Variants in CCDC178 observed in about 807,000 individuals in gnomAD.
The protein encoded by CCDC178 is coiled-coil domain-containing protein 178.
In CCDC178, 126 loss-of-function variants were observed where a neutral mutation model predicts 117.4. The ratio of observed to expected loss-of-function variants is 1.07; its 90% CI spans 0.93 to 1.24. CCDC178 has a LOEUF of 1.24. Among genes scored for constraint, CCDC178 ranks in the 50% most tolerant of loss-of-function variants. The pLI is 0.00. For synonymous variants in CCDC178, 283 were observed against 313.4 expected (o/e 0.90, Z 1.02); for missense variants, 1,030 against 986.9 (o/e 1.04, Z -0.59).
At chr18:33,332,008 TA>T (rs2062675949) in intron 10 of CCDC178, among the ~76,000 whole-genome samples, 2 of 152,194 alleles carry the variant, frequency 1.3e-5, no homozygotes, top group African/African-American at 4.8e-5. Flanking sequence ...AAATGGTAAG[TA>T]ATTACATTGT....
At chr18:33,032,135 G>C (rs949301583) in intron 21 of CCDC178, among the ~76,000 whole-genome samples, 1 of 152,144 alleles carries the variant, frequency 6.6e-6, no homozygotes, top group Non-Finnish European at 1.5e-5. Context: ...CCTCTGGGGT[G>C]CTAGTGCTCC....
At chr18:32,966,879 T>C (rs2054824723) in intron 22 of CCDC178, among the ~76,000 whole-genome samples, 1 of 151,836 alleles carries the variant, frequency 6.6e-6, no homozygotes, top group South Asian at 2.1e-4. Context: ...TCCAAAAAGA[T>C]TGAGCTAAAT....
At chr18:33,114,020 A>AAAAG (rs1266516009) in intron 20 of CCDC178, among the ~76,000 whole-genome samples, 2 of 152,076 alleles carry the variant, frequency 1.3e-5, no homozygotes, top group African/African-American at 2.4e-5. Context: ...TACACAGGAA[A>AAAAG]AAAGAAAAAA....
At position 33,087,566 on chromosome 18, in the gene CCDC178, TTGTG is replaced by T. The variant is rs57033642; in HGVS notation, c.2388+5191_2388+5194del. ...TCTAAGAAACAGGGGCCAAAGCCAT[TTGTG>T]TGTGTGTGTGTGTGTGTGTGTGTGT... is the stretch of plus-strand genomic sequence containing the variant. On this transcript the variant is annotated intron_variant, in intron 21 of 22. Coordinates refer to ENST00000383096, the MANE Select transcript of CCDC178 (RefSeq NM_001105528.4). 8.0e-3 allele frequency among the ~76,000 whole-genome samples: 1,170 copies of T among 146,096 alleles called. 6 individuals carry two copies. Among genetic ancestry groups the T allele is most frequent in the African/African-American group, 0.016 (628 of 39,632 alleles).
intron 21 of CCDC178, among the ~76,000 whole-genome samples, chr18:33,086,191 G>A (rs1007995228): frequency 2.0e-5 from 3 of 151,758 alleles, no homozygotes; most frequent in East Asian, 1.9e-4. Flanking sequence ...CAGTATCAAA[G>A]AAAGTCAGCA....
intron 20 of CCDC178, among the ~76,000 whole-genome samples, chr18:33,125,796 C>T (rs1236891361): frequency 1.3e-5 from 2 of 152,292 alleles, no homozygotes; most frequent in South Asian, 2.1e-4. Flanking sequence ...AAAGAGAGGG[C>T]CTTCTGCTGA....
chr18:33,158,377 T>A (rs552192170), intron 20 of CCDC178, among the ~76,000 whole-genome samples: 66 of 152,258 alleles, frequency 4.3e-4, no homozygotes, highest in Non-Finnish European at 7.9e-4. Flanking sequence ...CATTGTTAAT[T>A]GTAAATTTGA....
At chr18:33,261,336 G>C (rs2059747832) in intron 14 of CCDC178, among the ~76,000 whole-genome samples, 1 of 152,168 alleles carries the variant, frequency 6.6e-6, no homozygotes, top group South Asian at 2.1e-4. Context: ...GCCCACCTTG[G>C]CCTCCCAAAG....
At chr18:33,189,451 G>A (rs2144511188) in intron 20 of CCDC178, among the ~76,000 whole-genome samples, 1 of 152,160 alleles carries the variant, frequency 6.6e-6, no homozygotes, top group East Asian at 1.9e-4. Flanking sequence ...TTACATATAT[G>A]TAAGTTATTT....
chr18:33,043,339 T>G (rs2056584313), intron 21 of CCDC178, among the ~76,000 whole-genome samples: 1 of 152,074 alleles, frequency 6.6e-6, no homozygotes, highest in Admixed American at 6.6e-5. Context: ...AACAATATGT[T>G]TATTCTGACA....
chr18:33,154,983 G>A (rs140179751), intron 20 of CCDC178, among the ~76,000 whole-genome samples: 26 of 152,194 alleles, frequency 1.7e-4, no homozygotes, highest in Middle Eastern at 3.4e-3. Flanking sequence ...AAAAAATCAT[G>A]AAGTTTATAG....
At chr18:32,940,923 G>A (rs2054224844) in intron 22 of CCDC178, among the ~76,000 whole-genome samples, 1 of 152,004 alleles carries the variant, frequency 6.6e-6, no homozygotes, top group South Asian at 2.1e-4. Flanking sequence ...ACGTTCTTGA[G>A]GTGCTCTGGG....
At chr18:33,318,674 C>T (rs555417856) in intron 11 of CCDC178, among the ~76,000 whole-genome samples, 3 of 152,016 alleles carry the variant, frequency 2.0e-5, no homozygotes, top group Non-Finnish European at 4.4e-5. Context: ...AACAAGACGA[C>T]TAACAAATCC....
At chr18:33,119,818 A>C (rs2057911454) in intron 20 of CCDC178, among the ~76,000 whole-genome samples, 1 of 152,218 alleles carries the variant, frequency 6.6e-6, no homozygotes, top group Non-Finnish European at 1.5e-5. Flanking sequence ...GGATTAAGAA[A>C]ATGTGGCACA....
chr18:33,356,582 T>A (rs2063060530), intron 6 of CCDC178, among the ~76,000 whole-genome samples: 3 of 152,046 alleles, frequency 2.0e-5, no homozygotes, highest in Admixed American at 2.0e-4. Context: ...AAAAGCTAGT[T>A]AAGGACATGA....
chr18:33,414,040 C>A (rs766162913), intron 2 of CCDC178, among the ~76,000 whole-genome samples: 1 of 152,138 alleles, frequency 6.6e-6, no homozygotes, highest in African/African-American at 2.4e-5. Context: ...TCAACAGAAA[C>A]AAAAGACAGC....
chr18:33,244,818 A>G (rs2059528071), intron 15 of CCDC178, among the ~76,000 whole-genome samples: 1 of 151,870 alleles, frequency 6.6e-6, no homozygotes, highest in African/African-American at 2.4e-5. Context: ...GTAGTCTACA[A>G]ATTTCCAGGT....
At chr18:33,247,395 T>C (rs1337879056) in intron 14 of CCDC178, among the ~76,000 whole-genome samples, 1 of 151,590 alleles carries the variant, frequency 6.6e-6, no homozygotes, top group Non-Finnish European at 1.5e-5. Flanking sequence ...CAAAAATAGA[T>C]AGATGGGGAA....
At chr18:33,306,284 C>G (rs1420133261) in intron 11 of CCDC178, among the ~76,000 whole-genome samples, 1 of 151,934 alleles carries the variant, frequency 6.6e-6, no homozygotes, top group African/African-American at 2.4e-5. Flanking sequence ...TTGGGAAAAA[C>G]AGTTTGGCCA....
Sources: gnomAD v4.1 joint callset for allele counts (sites outside exome capture counted in the v4.1 genomes callset) on GRCh38, gnomAD v4.1.1 for gene constraint, MANE v1.5 for transcripts, NCBI Gene and HGNC (gene_info 2026-07-23, HGNC 2026-07-21) for gene names.